RPS6KA3: variants seen among roughly 807,000 people sequenced by gnomAD.
RPS6KA3 encodes the protein ribosomal protein S6 kinase A3, also known as ribosomal protein S6 kinase alpha-3.
In RPS6KA3, 4 loss-of-function variants were observed where a neutral mutation model predicts 67.2. The observed-to-expected ratio is 0.06, with a 90% CI of 0.03 to 0.14. The LOEUF is 0.14. Ranked by LOEUF, RPS6KA3 falls within the 10% of genes least tolerant of loss-of-function variation. RPS6KA3 has a pLI of 1.00. For missense variants in RPS6KA3, 204 were observed against 559.0 expected, an observed-to-expected ratio of 0.36 and a Z score of 6.40; for synonymous variants, 182 against 183.7, an observed-to-expected ratio of 0.99 and a Z score of 0.07.
At chrX:20,201,760 C>G (rs11797857) in intron 4 of RPS6KA3, among the ~76,000 whole-genome samples, 5,074 of 110,161 alleles carry the variant, frequency 0.046, 133 homozygotes, top group Non-Finnish European at 0.07. Context: ...AGTAGAAGCC[C>G]CTTAGCCAAC....
intron 16 of RPS6KA3, 84 bp from the exon 17 acceptor site, chrX:20,167,831 A>C: frequency 1.6e-6 from 1 of 618,493 alleles, no homozygotes; most frequent in Non-Finnish European, 2.7e-6. Flanking sequence ...GGAAAAATTA[A>C]ACTCACTTCA....
chrX:20,218,467 T>C (rs928452214), intron 2 of RPS6KA3, among the ~76,000 whole-genome samples: 8 of 111,654 alleles, frequency 7.2e-5, no homozygotes. Context: ...ATTCTGTTTA[T>C]GCCTGGTTTA....
At chrX:20,194,317 G>T in intron 5 of RPS6KA3, 49 bp from the exon 6 acceptor site, 1 of 764,236 alleles carries the variant, frequency 1.3e-6, no homozygotes, top group Non-Finnish European at 2.0e-6. Flanking sequence ...AATTTTTTTA[G>T]GTTTACATTA....
intron 1 of RPS6KA3, among the ~76,000 whole-genome samples, chrX:20,241,436 AAAAGAAAG>A (rs775795886): frequency 1.8e-5 from 2 of 110,041 alleles, no homozygotes; most frequent in African/African-American, 3.3e-5. Context: ...AATGAAAAAA[AAAAGAAAG>A]AAAGAAAGAA....
At chrX:20,254,561 C>A (rs910956285) in intron 1 of RPS6KA3, among the ~76,000 whole-genome samples, 1 of 111,703 alleles carries the variant, frequency 9.0e-6, no homozygotes, top group Non-Finnish European at 1.9e-5. Flanking sequence ...TTTATCAAAT[C>A]TAAAAAGAAA....
chrX:20,244,782 C>G (rs2069641315), intron 1 of RPS6KA3, among the ~76,000 whole-genome samples: 1 of 112,025 alleles, frequency 8.9e-6, no homozygotes, highest in Non-Finnish European at 1.9e-5. Context: ...GTGGAGAAAA[C>G]TAGAGTTCTT....
chrX:20,228,392 C>T (rs945565376), intron 2 of RPS6KA3, among the ~76,000 whole-genome samples: 3 of 111,584 alleles, frequency 2.7e-5, no homozygotes, highest in African/African-American at 9.8e-5. Context: ...TCAGTCACAA[C>T]GCTCATCCTC....
intron 9 of RPS6KA3, among the ~76,000 whole-genome samples, chrX:20,187,618 A>T (rs1379236517): frequency 9.0e-6 from 1 of 110,699 alleles, no homozygotes; most frequent in African/African-American, 3.3e-5. Flanking sequence ...CTATGGTAAT[A>T]TTTTTTTTTG....
intron 7 of RPS6KA3, among the ~76,000 whole-genome samples, chrX:20,192,971 A>G (rs1329268418): frequency 8.9e-6 from 1 of 112,085 alleles, no homozygotes; most frequent in Non-Finnish European, 1.9e-5. Context: ...TGCAGATTTC[A>G]ACCTCATTAA....
intron 1 of RPS6KA3, among the ~76,000 whole-genome samples, chrX:20,237,144 T>TA (rs1454920279): frequency 8.9e-6 from 1 of 111,784 alleles, no homozygotes; most frequent in Non-Finnish European, 1.9e-5. Context: ...CAATGTCAGT[T>TA]AGTTTTCTTA....
At chrX:20,204,626 AG>A (rs1569232902) in intron 3 of RPS6KA3, among the ~76,000 whole-genome samples, 1 of 112,114 alleles carries the variant, frequency 8.9e-6, no homozygotes, top group Non-Finnish European at 1.9e-5. Context: ...TTGGGCTGGG[AG>A]TGGTGGCACA....
chrX:20,245,248 A>G (rs770623694), intron 1 of RPS6KA3, among the ~76,000 whole-genome samples: 1 of 112,115 alleles, frequency 8.9e-6, no homozygotes, highest in South Asian at 3.7e-4. Context: ...TTTAAGGATT[A>G]AAGTTTTAGA....
chrX:20,232,464 C>T (rs959386200), intron 2 of RPS6KA3, among the ~76,000 whole-genome samples: 2 of 110,822 alleles, frequency 1.8e-5, no homozygotes, highest in African/African-American at 6.6e-5. Flanking sequence ...CCCAGCTACT[C>T]AGGAGGCTGA....
At chrX:20,155,828 G>T (rs780766651) in intron 21 of RPS6KA3, among the ~76,000 whole-genome samples, 1 of 112,013 alleles carries the variant, frequency 8.9e-6, no homozygotes, top group Non-Finnish European at 1.9e-5. Flanking sequence ...AGACAGGAAG[G>T]CATGCTCTTT....
At chrX:20,203,825 G>T in intron 4 of RPS6KA3, 197 bp downstream of exon 4, 1 of 397,612 alleles carries the variant, frequency 2.5e-6, no homozygotes, top group Non-Finnish European at 4.4e-6. Flanking sequence ...CTTTTATAAC[G>T]TGGCAACTCT....
intron 14 of RPS6KA3, among the ~76,000 whole-genome samples, chrX:20,174,786 ACT>A (rs774691029): frequency 4.6e-4 from 50 of 109,167 alleles, no homozygotes; most frequent in African/African-American, 1.5e-3. Flanking sequence ...CAGAGTTTCA[ACT>A]CTGTCACCCA....
At chrX:20,219,359 C>T in intron 2 of RPS6KA3, among the ~76,000 whole-genome samples, 1 of 111,823 alleles carries the variant, frequency 8.9e-6, no homozygotes. Context: ...TAAGGTTATA[C>T]ACAGGCATGT....
At chrX:20,217,460 C>T (rs1424873085) in intron 2 of RPS6KA3, among the ~76,000 whole-genome samples, 2 of 112,686 alleles carry the variant, frequency 1.8e-5, no homozygotes, top group African/African-American at 3.2e-5. Context: ...GCATTATGCC[C>T]TGCCTTGTAT....
In RPS6KA3 at chrX:20,172,851, A is replaced by C. The variant is rs1449278063; in HGVS notation, c.1248T>G (p.Ile416Met). The C allele has an allele frequency of 8.3e-7, 1 of 1,206,452 alleles. No individual in the cohort carries two copies. Among genetic ancestry groups the C allele is most frequent in the East Asian group, 3.0e-5 (1 of 33,782 alleles). The change falls in exon 15 of 22, where the codon ATT becomes ATG. Residue 416 changes from isoleucine (I) to methionine (M), a missense_variant. Coordinates refer to ENST00000379565, the MANE Select transcript of RPS6KA3 (RefSeq NM_004586.3). ...TTACTTCATATCCATCAGTAAACTG[A>C]ATACTGTTCCTGTGTAACTGCTACA... The part of the protein sequence containing the change: ...SIVQQLHRNS[I>M]QFTDGYEVKE...
Sources: gnomAD v4.1 joint callset for allele counts (sites outside exome capture counted in the v4.1 genomes callset) on GRCh38, gnomAD v4.1.1 for gene constraint, MANE v1.5 for transcripts, NCBI Gene and HGNC (gene_info 2026-07-23, HGNC 2026-07-21) for gene names.